CD226: variants seen among roughly 807,000 people sequenced by gnomAD.
The protein encoded by CD226 is CD226 molecule.
A neutral mutation model predicts 34.9 loss-of-function variants in CD226; 24 were observed. The observed-to-expected ratio is 0.69, with a 90% CI of 0.50 to 0.97. The LOEUF (loss-of-function observed/expected upper bound fraction) is 0.97. CD226 is among the 50% of genes least tolerant of loss of function. The probability of loss-of-function intolerance (pLI) is 0.00; values close to 1 mark genes in which losing one functional copy is unlikely to be tolerated. For synonymous variants in CD226, 148 were observed against 147.4 expected (o/e 1.00, Z -0.03); for missense variants, 397 against 412.7 (o/e 0.96, Z 0.33).
intron 3 of CD226, among the ~76,000 whole-genome samples, chr18:69,883,908 C>T (rs1984411241): frequency 6.6e-6 from 1 of 152,208 alleles, no homozygotes; most frequent in South Asian, 2.1e-4. Context: ...ACCCACGTCA[C>T]AGCTCAGGTT....
At chr18:69,885,407 T>C (rs1178581201) in intron 3 of CD226, among the ~76,000 whole-genome samples, 1 of 152,140 alleles carries the variant, frequency 6.6e-6, no homozygotes, top group Non-Finnish European at 1.5e-5. Context: ...AAGAAGCCAT[T>C]ACGGTCTGGG....
intron 3 of CD226, among the ~76,000 whole-genome samples, chr18:69,890,064 T>C (rs1255836022): frequency 6.6e-6 from 1 of 152,166 alleles, no homozygotes; most frequent in African/African-American, 2.4e-5. Context: ...TCAGTTTCTT[T>C]GATCAACAAT....
chr18:69,951,095 T>TC (rs2055850399), upstream of CD226, among the ~76,000 whole-genome samples: 2 of 151,812 alleles, frequency 1.3e-5, no homozygotes, highest in Non-Finnish European at 2.9e-5. Flanking sequence ...GCCTCCTGGG[T>TC]AGCTGGGACC....
chr18:69,955,289 G>GTCTA (rs2055886792), intron 1 of CD226, among the ~76,000 whole-genome samples: 1 of 152,188 alleles, frequency 6.6e-6, no homozygotes, highest in Non-Finnish European at 1.5e-5. Context: ...GTCTCCTAGT[G>GTCTA]TCTACTCAAT....
chr18:69,955,489 T>C (rs1275459550), intron 1 of CD226, among the ~76,000 whole-genome samples: 1 of 152,110 alleles, frequency 6.6e-6, no homozygotes, highest in African/African-American at 2.4e-5. Context: ...GGTCGTTTGC[T>C]CCCTCCACTC....
rs141223613 is a variant in CD226, at chr18:69,939,069, G to A, written c.382+7665C>T. On this transcript the variant is annotated intron_variant, in intron 2 of 5. Coordinates refer to ENST00000582621, the MANE Select transcript of CD226 (RefSeq NM_001303618.2). ...CCACTGCACTCCAGCCTGGGCAACA[G>A]AGTGAGACTCTGTCTCAAAAAAGGA... is the stretch of plus-strand genomic sequence containing the variant. Among the ~76,000 whole-genome samples, 3 of 152,296 alleles carry A rather than the reference G, an allele frequency of 2.0e-5. No individual in the cohort carries two copies. In the South Asian group the frequency reaches 6.2e-4, roughly 32 times the overall value.
intron 3 of CD226, among the ~76,000 whole-genome samples, chr18:69,878,599 T>C (rs992461682): frequency 2.6e-5 from 4 of 152,126 alleles, no homozygotes; most frequent in Non-Finnish European, 5.9e-5. Flanking sequence ...CCAAAGAATA[T>C]GCCAGGGAAA....
intron 2 of CD226, among the ~76,000 whole-genome samples, chr18:69,900,556 C>G (rs1032775398): frequency 1.1e-4 from 16 of 151,422 alleles, no homozygotes; most frequent in Admixed American, 2.0e-4. Flanking sequence ...CAAGGTGAAA[C>G]CCCGTCTCTA....
intron 4 of CD226, among the ~76,000 whole-genome samples, chr18:69,872,627 C>T (rs1983605674): frequency 1.3e-5 from 2 of 152,156 alleles, no homozygotes; most frequent in Admixed American, 1.3e-4. Context: ...CCAATTCCTT[C>T]TTCTCAGTAA....
intron 2 of CD226, among the ~76,000 whole-genome samples, chr18:69,942,536 C>T (rs991908557): frequency 2.0e-4 from 31 of 152,320 alleles, no homozygotes; most frequent in African/African-American, 7.0e-4. Flanking sequence ...AATAACTTTT[C>T]GGGTTTATTT....
At chr18:69,956,822 G>T (rs1457988120) in exon 1 of CD226, 1 of 152,184 alleles carries the variant, frequency 6.6e-6, no homozygotes, top group Non-Finnish European at 1.5e-5. Context: ...GACTTTTATC[G>T]TATCCTGTTT....
chr18:69,875,603 C>G (rs1343776925), intron 3 of CD226, among the ~76,000 whole-genome samples: 2 of 152,218 alleles, frequency 1.3e-5, no homozygotes, highest in African/African-American at 4.8e-5. Context: ...GAGGTGAGAG[C>G]TCACTGGGGT....
In CD226 at chr18:69,947,452, G is replaced by A. The variant is rs374099493; in HGVS notation, c.-46C>T. 3 of 1,093,630 alleles carry A rather than the reference G, an allele frequency of 2.7e-6. No individual in the cohort carries two copies. Among genetic ancestry groups the A allele is most frequent in the East Asian group, 2.5e-5 (1 of 40,124 alleles). The allele number at this position is 1,093,630 out of a possible 1,614,324, so 67.7% of individuals were successfully genotyped here. Reference sequence around the variant, plus strand: ...GCTGGTTCTATTAAAAAAAAAAATTGCTTTTTATAATGTGACATGCAGATC... The same window carrying A: ...GCTGGTTCTATTAAAAAAAAAAATTACTTTTTATAATGTGACATGCAGATC... On this transcript the variant is annotated 5_prime_UTR_variant, in exon 1 of 6. An upstream open reading frame in the 5' UTR gains an earlier in-frame stop. Coordinates refer to ENST00000582621, the MANE Select transcript of CD226 (RefSeq NM_001303618.2).
chr18:69,872,090 G>GTGT (rs57236296), intron 4 of CD226, among the ~76,000 whole-genome samples: 1 of 149,534 alleles, frequency 6.7e-6, no homozygotes, highest in African/African-American at 2.5e-5. Flanking sequence ...GTGTGTGTGT[G>GTGT]GTGCATTTGG....
chr18:69,959,432 C>T (rs903827568), upstream of CD226, among the ~76,000 whole-genome samples: 1 of 152,188 alleles, frequency 6.6e-6, no homozygotes, highest in East Asian at 1.9e-4. Flanking sequence ...CAGGAAACAG[C>T]AAAAGTCATC....
chr18:69,897,180 T>G (rs1211781841), intron 2 of CD226, among the ~76,000 whole-genome samples: 1 of 152,236 alleles, frequency 6.6e-6, no homozygotes, highest in East Asian at 1.9e-4. Context: ...TGAAAATTCT[T>G]GTGTTTTAAA....
chr18:69,873,454 T>C (rs1983668174), intron 3 of CD226, among the ~76,000 whole-genome samples: 1 of 152,106 alleles, frequency 6.6e-6, no homozygotes. Flanking sequence ...TTTTATTTGT[T>C]TTTTGATTAA....
chr18:69,886,015 C>T (rs749140500), intron 3 of CD226, among the ~76,000 whole-genome samples: 2 of 152,156 alleles, frequency 1.3e-5, no homozygotes, highest in Non-Finnish European at 2.9e-5. Flanking sequence ...AAGAAGGACG[C>T]TCTGTAGCTC....
intron 2 of CD226, among the ~76,000 whole-genome samples, chr18:69,926,771 A>G (rs1269946495): frequency 1.3e-5 from 2 of 152,232 alleles, no homozygotes; most frequent in Non-Finnish European, 2.9e-5. Flanking sequence ...GGTACATATT[A>G]TACATGAGTA....
Sources: gnomAD v4.1 joint callset for allele counts (sites outside exome capture counted in the v4.1 genomes callset) on GRCh38, gnomAD v4.1.1 for gene constraint, MANE v1.5 for transcripts, NCBI Gene and HGNC (gene_info 2026-07-23, HGNC 2026-07-21) for gene names.